The following SEPTIN4 variants were observed in gnomAD, a reference collection of about 807,000 sequenced individuals.
SEPTIN4 encodes the protein septin 4.
Under a neutral mutation model 107.1 loss-of-function variants are expected in SEPTIN4, and 52 were observed. That is an observed-to-expected ratio of 0.49 (90% CI 0.39 to 0.61). The LOEUF (loss-of-function observed/expected upper bound fraction) is 0.61, where lower values mean the gene tolerates loss of function less well. Ranked by LOEUF, SEPTIN4 falls within the 20% of genes least tolerant of loss-of-function variation. The pLI, the probability that SEPTIN4 is intolerant of heterozygous loss-of-function variation, is 0.00. For synonymous variants in SEPTIN4, 417 were observed against 467.0 expected (o/e 0.89, Z 1.38); for missense variants, 1,048 against 1,243.5 (o/e 0.84, Z 2.36).
At chr17:58,529,193 C>T (rs1419804624) in intron 3 of SEPTIN4, 4 of 1,614,188 alleles carry the variant, frequency 2.5e-6, no homozygotes, top group Non-Finnish European at 3.4e-6. Flanking sequence ...CTTCAGACTC[C>T]CTGTCAGAAA....
intron 1 of SEPTIN4, 49 bp from the exon 2 acceptor site, chr17:58,542,015 C>A: frequency 6.3e-7 from 1 of 1,590,294 alleles, no homozygotes; most frequent in Non-Finnish European, 8.6e-7. Context: ...GTGGGATGCA[C>A]ATCCCACTCT....
At chr17:58,541,700 A>T (rs546950988) in intron 2 of SEPTIN4, 158 of 1,335,332 alleles carry the variant, frequency 1.2e-4, no homozygotes, top group Admixed American at 5.9e-4. Context: ...ACTTCCTGTT[A>T]AAAGGAGACT....
At chr17:58,537,524 T>C (rs2043753969) in intron 3 of SEPTIN4, among the ~76,000 whole-genome samples, 2 of 152,014 alleles carry the variant, frequency 1.3e-5, no homozygotes. Context: ...GCAACAATGG[T>C]CAAACTGCTA....
chr17:58,538,922 G>T lies in SEPTIN4; in HGVS notation c.1614+1744C>A, dbSNP rs2043802907. Reference sequence around the variant, plus strand: ...CCAGGCCACCAGAGAATTCCTGCCAGGAATGGAATCTGGAACAGACTCTAT... The same window carrying T: ...CCAGGCCACCAGAGAATTCCTGCCATGAATGGAATCTGGAACAGACTCTAT... On this transcript the variant is annotated intron_variant, in intron 3 of 13. Transcript: ENST00000672673. The surrounding 1 kb of genome is among the most constrained non-coding windows in gnomAD (Gnocchi z 4.7). Among the ~76,000 whole-genome samples the T allele has an allele frequency of 6.6e-6, 1 of 152,228 alleles. No individual in the cohort carries two copies. The highest frequency in any genetic ancestry group is 1.5e-5 in the Non-Finnish European group (1 of 68,044).
rs202238160 is a variant in SEPTIN4, at chr17:58,526,997, G to A, written c.1615-19C>T. 10 of 1,613,948 alleles carry A rather than the reference G, an allele frequency of 6.2e-6. No homozygotes were observed. In the Admixed American group the frequency reaches 1.0e-4, roughly 16 times the overall value. ...GCTTGATCTGGGGGAAGCGGGGTGG[G>A]TAGAATAGATGGGTGGTGCCGGGAA... On this transcript the variant is annotated intron_variant, in intron 3 of 13. Transcript: ENST00000672673.
rs778348497 is a variant in SEPTIN4, at chr17:58,541,966, T to C, written c.1562A>G (p.Asp521Gly). ...ACGATTGTACATTTCCTCAGAGACATCTGAAAGTAACAGAGAGATGGTTGC... is the reference window on the plus strand; with the variant it reads ...ACGATTGTACATTTCCTCAGAGACACCTGAAAGTAACAGAGAGATGGTTGC... ...PIQRFTAFFL[D>G]VSEEMYNRVI... Residue 521 changes from aspartate to glycine, a missense_variant and splice_region_variant, in exon 2 of 14, where the codon GAT becomes GGT. Around this residue, in one of 2 missense-constraint regions of SEPTIN4, gnomAD observed 787 missense variants for 871.8 expected, o/e 0.90. Transcript: ENST00000672673. 10 of 1,613,734 alleles carry C rather than the reference T, an allele frequency of 6.2e-6. No homozygotes were observed. The African/African-American group carries it at 8.0e-5, about 13-fold the overall frequency.
intron 7 of SEPTIN4, among the ~76,000 whole-genome samples, chr17:58,522,884 A>G (rs2042425933): frequency 6.6e-6 from 1 of 151,962 alleles, no homozygotes; most frequent in Non-Finnish European, 1.5e-5. Flanking sequence ...ACCAATACAC[A>G]CTGCTCTCCC....
rs767638657 is a variant in SEPTIN4, at chr17:58,521,592, C to T, written c.2524G>A (p.Asp842Asn). The change falls in exon 10 of 14, where the codon GAC (aspartate) becomes AAC (asparagine). Residue 842 changes from aspartate to asparagine, a missense_variant. Physicochemically the swap from Asp to Asn is conservative, Grantham distance 23 (BLOSUM62 1). Transcript: ENST00000672673. This position sits in a 1 kb window ranked among gnomAD's most constrained non-coding sequence, Gnocchi z 6.4. ...GIKIYQFPDC[D>N]SDEDEDFKLQ... ...TTGAAGTCCTCATCCTCATCAGAGT[C>T]ACAGTCTGGGAATTGATAGATCTTG... 6.2e-7 allele frequency: 1 copy of T among 1,614,236 alleles called. No homozygotes were observed. Among genetic ancestry groups the T allele is most frequent in the Non-Finnish European group, 8.5e-7 (1 of 1,180,048 alleles).
In SEPTIN4 at chr17:58,542,826, G is replaced by C. The variant is rs1236041444; in HGVS notation, c.1361C>G (p.Ser454Cys). 6.2e-7 allele frequency: 1 copy of C among 1,614,032 alleles called. No homozygotes were observed. Among genetic ancestry groups the C allele is most frequent in the East Asian group, 2.2e-5 (1 of 44,894 alleles). The change falls in exon 1 of 14, where the codon TCC becomes TGC. Residue 454 changes from serine (S) to cysteine (C), a missense_variant. Ser to Cys is a moderately radical substitution (Grantham distance 112). Coordinates refer to ENST00000672673, the MANE Select transcript of SEPTIN4 (RefSeq NM_001368771.2). The part of the protein sequence containing the change: ...TPDFEPKCSP[S>C]LDLLLSGFKI... ...AAAACCGGACAATAAAAGATCTAGG[G>C]AAGGAGAGCACTTAGGCTCAAAATC... is the stretch of plus-strand genomic sequence containing the variant.
At position 58,526,573 on chromosome 17, in the gene SEPTIN4, A is replaced by AAACAC. The variant is rs2042913199; in HGVS notation, c.1911+108_1911+109insGTGTT. 2.3e-6 allele frequency: 3 copies of AAACAC among 1,303,802 alleles called. No homozygotes were observed. In the African/African-American group the frequency reaches 5.3e-5, roughly 23 times the overall value. 80.8% of individuals were successfully genotyped at this position (1,303,802 alleles called of 1,614,324 possible). On this transcript the variant is annotated intron_variant, in intron 4 of 13. Transcript: ENST00000672673. ...TAGGTCCCAGATACACACACACACA[A>AAACAC]ACACACACACACACACACACACACA...
At chr17:58,529,515 C>T in intron 3 of SEPTIN4, 4 of 797,662 alleles carry the variant, frequency 5.0e-6, no homozygotes, top group Non-Finnish European at 6.1e-6. Context: ...GGGCACAGCA[C>T]CAACCTCCCA....
chr17:58,524,488 T>C (rs534991457), intron 7 of SEPTIN4: 1 of 152,280 alleles, frequency 6.6e-6, no homozygotes, highest in Admixed American at 6.5e-5. Flanking sequence ...GACAGTTTAT[T>C]CGGCATCTAC....
At position 58,521,516 on chromosome 17, in the gene SEPTIN4, A is replaced by G; in HGVS notation, c.2571+29T>C. 1 of 1,608,652 alleles carries G rather than the reference A, an allele frequency of 6.2e-7. No individual in the cohort carries two copies. Reference sequence around the variant, plus strand: ...TTTTTCTACCCGGAAGAAATAAGATAGGAATGGGATGCCCTAGAGTGGCCC... The same window carrying G: ...TTTTTCTACCCGGAAGAAATAAGATGGGAATGGGATGCCCTAGAGTGGCCC... On this transcript the variant is annotated intron_variant, in intron 10 of 13. Transcript: ENST00000672673. The surrounding 1 kb of genome is among the most constrained non-coding windows in gnomAD (Gnocchi z 6.4).
chr17:58,543,302 A>G lies in SEPTIN4; in HGVS notation c.885T>C (p.Ser295=). The change falls in exon 1 of 14, where the codon TCT becomes TCC. Residue 295 remains serine, a synonymous_variant. Transcript: ENST00000672673. The stretch of plus-strand genomic sequence containing the variant: ...CAGGATAGGCAGAATACTTATGAAG[A>G]GACTCAGGGTCTACCCGTGCAGAAA... ...HRVSARVDPE[S]LHKYSAYPET... 2.5e-6 allele frequency: 4 copies of G among 1,614,160 alleles called. No homozygotes were observed. Among genetic ancestry groups the G allele is most frequent in the Non-Finnish European group, 3.4e-6 (4 of 1,180,002 alleles).
chr17:58,525,820 A>G (rs1450973454), intron 5 of SEPTIN4, 39 bp from the exon 6 acceptor site: 3 of 1,567,206 alleles, frequency 1.9e-6, no homozygotes, highest in Non-Finnish European at 2.6e-6. Flanking sequence ...ATCAGAAGGT[A>G]AGATCTATAG....
Position 58,521,919 on chromosome 17 carries a change from C to A in SEPTIN4, c.2351+48G>T. On this transcript the variant is annotated intron_variant, in intron 8 of 13. Transcript: ENST00000672673. The surrounding 1 kb of genome is among the most constrained non-coding windows in gnomAD (Gnocchi z 6.4). Reference sequence around the variant, plus strand: ...CTGCCCCTGGTGCTCTTGGCCTGTTCCCTTGACAGCACCCGGTGGTGCCAG... The same window carrying A: ...CTGCCCCTGGTGCTCTTGGCCTGTTACCTTGACAGCACCCGGTGGTGCCAG... The A allele has an allele frequency of 6.2e-7, 1 of 1,614,252 alleles. No individual in the cohort carries two copies. The highest frequency in any genetic ancestry group is 8.5e-7 in the Non-Finnish European group (1 of 1,180,048).
chr17:58,542,629 G>T lies in SEPTIN4; in HGVS notation c.1558C>A (p.Leu520Met). Reference sequence around the variant, plus strand: ...GGCAGTCTGCTTCTTCACATACCCAGGAAGAAAGCAGTAAACCTTTGAATG... The same window carrying T: ...GGCAGTCTGCTTCTTCACATACCCATGAAGAAAGCAGTAAACCTTTGAATG... ...QPIQRFTAFF[L>M]DVSEEMYNRV... Residue 520 changes from leucine (L) to methionine (M), a missense_variant, in exon 1 of 14, where the codon CTG becomes ATG. By Grantham distance (15) the Leu-to-Met change is conservative. This residue lies in a region of SEPTIN4 where 787 missense variants were observed against 871.8 expected (regional missense o/e 0.90). Coordinates refer to ENST00000672673, the MANE Select transcript of SEPTIN4 (RefSeq NM_001368771.2). 2 of 1,608,452 alleles carry T rather than the reference G, an allele frequency of 1.2e-6. No individual in the cohort carries two copies. Among genetic ancestry groups the T allele is most frequent in the Non-Finnish European group, 1.7e-6 (2 of 1,177,398 alleles).
rs1415622590 is a variant in SEPTIN4 at position 58,538,737 on chromosome 17, C to T, written c.1614+1929G>A. On this transcript the variant is annotated intron_variant, in intron 3 of 13. Coordinates refer to ENST00000672673, the MANE Select transcript of SEPTIN4 (RefSeq NM_001368771.2). This position sits in a 1 kb window ranked among gnomAD's most constrained non-coding sequence, Gnocchi z 4.7. ...AATCCAAGGATGAGAAGCATCTGTCCACCCCATTCCTTAGACAAAAGGGCT... is the reference window on the plus strand; with the variant it reads ...AATCCAAGGATGAGAAGCATCTGTCTACCCCATTCCTTAGACAAAAGGGCT... Among the ~76,000 whole-genome samples the T allele has an allele frequency of 6.6e-6, 1 of 152,168 alleles. No individual in the cohort carries two copies. The highest frequency in any genetic ancestry group is 1.5e-5 in the Non-Finnish European group (1 of 68,018).
chr17:58,541,749 C>A lies in SEPTIN4; in HGVS notation c.1606+173G>T, dbSNP rs539093852. The A allele has an allele frequency of 2.8e-5, 44 of 1,568,724 alleles. No individual in the cohort carries two copies. The Middle Eastern group carries it at 6.8e-4, about 24-fold the overall frequency. The stretch of plus-strand genomic sequence containing the variant: ...AAGGTTCCAAGCCCCAAAGAAATGA[C>A]TCTAATGGTGAAATTTTCAGCAAGA... On this transcript the variant is annotated intron_variant, in intron 2 of 13. Transcript: ENST00000672673.
Sources: gnomAD v4.1 joint callset for allele counts (sites outside exome capture counted in the v4.1 genomes callset) on GRCh38, gnomAD v4.1.1 for gene constraint, gnomAD v4.1.1 regional missense constraint, Gnocchi (gnomAD v3.1) non-coding constraint, MANE v1.5 for transcripts, NCBI Gene and HGNC (gene_info 2026-07-23, HGNC 2026-07-21) for gene names.